Variants in A1CF observed in about 807,000 individuals in gnomAD.
The protein encoded by A1CF is APOBEC1 complementation factor.
Under a neutral mutation model 68.9 loss-of-function variants are expected in A1CF, and 48 were observed. The observed-to-expected ratio is 0.70, with a 90% CI of 0.55 to 0.89. A1CF has a LOEUF of 0.89. A1CF is among the 40% of genes least tolerant of loss of function. The pLI is 0.00. For missense variants in A1CF, 653 were observed against 718.9 expected, an observed-to-expected ratio of 0.91 and a Z score of 1.05; for synonymous variants, 272 against 260.4, an observed-to-expected ratio of 1.04 and a Z score of -0.43.
intron 12 of A1CF, among the ~76,000 whole-genome samples, chr10:50,808,743 C>A (rs1449505003): frequency 6.6e-6 from 1 of 152,040 alleles, no homozygotes; most frequent in Non-Finnish European, 1.5e-5. Flanking sequence ...ATGTTAGCCC[C>A]ACTGGCCAGA....
intron 7 of A1CF, among the ~76,000 whole-genome samples, chr10:50,821,997 G>T (rs368721386): frequency 6.6e-6 from 1 of 152,090 alleles, no homozygotes; most frequent in Non-Finnish European, 1.5e-5. Flanking sequence ...CTTAACAGAG[G>T]TTACTTCAGG....
chr10:50,835,999 A>T, intron 6 of A1CF, 75 bp downstream of exon 6: 2 of 1,385,556 alleles, frequency 1.4e-6, no homozygotes, highest in East Asian at 2.3e-5. Context: ...AAAAAAAATT[A>T]AAAATGCTTA....
chr10:50,839,965 C>T (rs533590571), intron 5 of A1CF, among the ~76,000 whole-genome samples: 8 of 152,196 alleles, frequency 5.3e-5, no homozygotes, highest in Non-Finnish European at 1.0e-4. Flanking sequence ...TGGTCTCAAA[C>T]TCCCAACCTC....
chr10:50,876,859 A>G (rs757735560), intron 1 of A1CF, among the ~76,000 whole-genome samples: 14 of 152,210 alleles, frequency 9.2e-5, no homozygotes, highest in African/African-American at 1.4e-4. Flanking sequence ...ACAAATTTAT[A>G]TTTGTTTTAT....
intron 1 of A1CF, among the ~76,000 whole-genome samples, chr10:50,866,702 C>T (rs1448545496): frequency 6.6e-6 from 1 of 152,132 alleles, no homozygotes; most frequent in East Asian, 1.9e-4. Flanking sequence ...TACCTAAAAG[C>T]TGATCCCACA....
intron 5 of A1CF, among the ~76,000 whole-genome samples, chr10:50,839,226 G>T (rs1230530127): frequency 6.6e-6 from 1 of 152,078 alleles, no homozygotes; most frequent in African/African-American, 2.4e-5. Context: ...GCCCTATTGG[G>T]TAACAATGTG....
At chr10:50,837,499 T>C (rs1004760298) in intron 5 of A1CF, among the ~76,000 whole-genome samples, 3 of 152,346 alleles carry the variant, frequency 2.0e-5, no homozygotes, top group South Asian at 2.1e-4. Flanking sequence ...TTTAAGGATA[T>C]TTATTACTGC....
At chr10:50,826,046 AGTG>A (rs1838913661) in intron 7 of A1CF, among the ~76,000 whole-genome samples, 1 of 152,106 alleles carries the variant, frequency 6.6e-6, no homozygotes, top group South Asian at 2.1e-4. Context: ...AAATATCAAT[AGTG>A]GTGAGGCTGA....
chr10:50,865,731 T>G (rs1316571059), intron 1 of A1CF, among the ~76,000 whole-genome samples: 1 of 152,224 alleles, frequency 6.6e-6, no homozygotes, highest in Non-Finnish European at 1.5e-5. Context: ...CTGATCCTTC[T>G]AGACTTGATT....
intron 6 of A1CF, chr10:50,828,593 C>T (rs964401840): frequency 8.4e-6 from 2 of 236,784 alleles, no homozygotes; most frequent in East Asian, 8.0e-5. Flanking sequence ...TAGAACAACA[C>T]TCATTGGGTG....
At chr10:50,849,718 T>A (rs1185811494) in intron 3 of A1CF, among the ~76,000 whole-genome samples, 3 of 152,002 alleles carry the variant, frequency 2.0e-5, no homozygotes, top group African/African-American at 7.2e-5. Flanking sequence ...TGTGGGTTTC[T>A]TACATATGTG....
chr10:50,843,821 C>G (rs1839881058), intron 4 of A1CF, among the ~76,000 whole-genome samples, 167 bp downstream of exon 4: 2 of 152,082 alleles, frequency 1.3e-5, no homozygotes, highest in Admixed American at 1.3e-4. Context: ...TAGGTCAAGG[C>G]AGTGATTATA....
At chr10:50,856,174 T>A (rs1840468518) in intron 3 of A1CF, among the ~76,000 whole-genome samples, 1 of 152,014 alleles carries the variant, frequency 6.6e-6, no homozygotes, top group Non-Finnish European at 1.5e-5. Context: ...TAGTTGGGTA[T>A]TGCGTACCTG....
chr10:50,849,041 T>G (rs1007535283), intron 3 of A1CF, among the ~76,000 whole-genome samples: 1 of 152,164 alleles, frequency 6.6e-6, no homozygotes, highest in Non-Finnish European at 1.5e-5. Flanking sequence ...TTAGACATTA[T>G]TTCTATTGTA....
In A1CF at chr10:50,804,268, G is replaced by C. The variant is rs181705018; in HGVS notation, c.*2461C>G. On this transcript the variant is annotated 3_prime_UTR_variant, in exon 13 of 13. Coordinates refer to ENST00000373997, the MANE Select transcript of A1CF (RefSeq NM_014576.4). ...GGTATTATTGTATGTTTAGGTGTCT[G>C]CTCTTAATATTGTAAACAAACAATT... The C allele has an allele frequency of 1.3e-5, 2 of 152,214 alleles. No homozygotes were observed. Among genetic ancestry groups the C allele is most frequent in the Admixed American group, 1.3e-4 (2 of 15,296 alleles). 9.4% of individuals were successfully genotyped at this position (152,214 alleles called of 1,614,324 possible).
chr10:50,807,478 A>C (rs1237268568), intron 12 of A1CF, among the ~76,000 whole-genome samples: 2 of 152,216 alleles, frequency 1.3e-5, no homozygotes, highest in Non-Finnish European at 2.9e-5. Context: ...ACATGTAACT[A>C]TGAATGGCAA....
At chr10:50,832,007 GT>G (rs1185817230) in intron 6 of A1CF, among the ~76,000 whole-genome samples, 1 of 152,050 alleles carries the variant, frequency 6.6e-6, no homozygotes, top group Non-Finnish European at 1.5e-5. Context: ...CAGTATGCAG[GT>G]TCCTCAAAAA....
rs1838020395 is a variant in A1CF, at chr10:50,809,957, T to C, written c.1546A>G (p.Ile516Val). ...GTGCCATCGCCTCCATCAGTGGGGA[T>C]GCCCAGGGTCTGCAGGGTGTATTCG... is the stretch of plus-strand genomic sequence containing the variant. ...AAEYTLQTLG[I>V]PTDGGDGTMA... The change falls in exon 12 of 13, where the codon ATC (isoleucine) becomes GTC (valine). Residue 516 changes from isoleucine (I) to valine (V), a missense_variant. By Grantham distance (29) the Ile-to-Val change is conservative. Coordinates refer to ENST00000373997, the MANE Select transcript of A1CF (RefSeq NM_014576.4). 2 of 1,613,926 alleles carry C rather than the reference T, an allele frequency of 1.2e-6. No individual in the cohort carries two copies. The highest frequency in any genetic ancestry group is 1.3e-5 in the African/African-American group (1 of 74,938).
At chr10:50,876,568 G>C (rs553297151) in intron 1 of A1CF, among the ~76,000 whole-genome samples, 18 of 152,224 alleles carry the variant, frequency 1.2e-4, no homozygotes, top group Non-Finnish European at 2.2e-4. Flanking sequence ...CTGCATGACA[G>C]AGCAGGGACA....
Sources: allele counts gnomAD v4.1 joint callset (sites outside exome capture counted in the v4.1 genomes callset), GRCh38; gene constraint gnomAD v4.1.1; transcripts MANE v1.5; gene names NCBI Gene and HGNC (gene_info 2026-07-23, HGNC 2026-07-21).